TEX101: variants seen among roughly 807,000 people sequenced by gnomAD.
TEX101 encodes the protein testis-expressed protein 101.
In TEX101, 10 loss-of-function variants were observed where a neutral mutation model predicts 18.1. The ratio of observed to expected loss-of-function variants is 0.55; its 90% CI spans 0.34 to 0.94. TEX101 has a LOEUF of 0.94. TEX101 is among the 40% of genes least tolerant of loss of function. TEX101 has a pLI of 0.02. For missense variants in TEX101, 259 were observed against 298.9 expected, an observed-to-expected ratio of 0.87 and a Z score of 0.98; for synonymous variants, 94 against 114.8, an observed-to-expected ratio of 0.82 and a Z score of 1.16.
the TEX101 span, among the ~76,000 whole-genome samples, chr19:43,392,600 T>G: frequency 1.3e-5 from 2 of 151,512 alleles, no homozygotes; most frequent in African/African-American, 4.9e-5. Flanking sequence ...GACACCACGA[T>G]AGTCAAGCTG....
intron 2 of TEX101, among the ~76,000 whole-genome samples, chr19:43,403,787 C>G (rs1301854990): frequency 6.6e-6 from 1 of 151,762 alleles, no homozygotes; most frequent in Non-Finnish European, 1.5e-5. Flanking sequence ...AAAATCTGGC[C>G]CACAAAGACC....
chr19:43,391,842 T>C, the TEX101 span, among the ~76,000 whole-genome samples: 4 of 152,184 alleles, frequency 2.6e-5, no homozygotes, highest in African/African-American at 9.7e-5. Flanking sequence ...AGTACACTGG[T>C]TAGTCAGCAG....
intron 2 of TEX101, 27 bp from the exon 3 acceptor site, chr19:43,416,072 C>T (rs55891962): frequency 1.2e-6 from 2 of 1,607,316 alleles, no homozygotes; most frequent in African/African-American, 2.7e-5. Context: ...TGGAGAAGTG[C>T]TTATCCTTTT....
At chr19:43,416,608 G>A in intron 4 of TEX101, 53 bp downstream of exon 4, 1 of 1,544,668 alleles carries the variant, frequency 6.5e-7, no homozygotes, top group Non-Finnish European at 8.8e-7. Context: ...TAAAGAGCTT[G>A]TGTATGGCCT....
At chr19:43,417,300 AAAAAAC>A (rs1015533304) in intron 4 of TEX101, among the ~76,000 whole-genome samples, 11 of 151,790 alleles carry the variant, frequency 7.2e-5, no homozygotes, top group African/African-American at 2.4e-4. Context: ...TTCTGGCCAT[AAAAAAC>A]AAAAACAAAA....
upstream of TEX101, among the ~76,000 whole-genome samples, chr19:43,397,206 G>A (rs1465153821): frequency 5.9e-5 from 9 of 152,214 alleles, no homozygotes; most frequent in Admixed American, 3.9e-4. Context: ...GAGTGAAGAC[G>A]CTAGCCAGGT....
upstream of TEX101, among the ~76,000 whole-genome samples, chr19:43,414,362 C>T (rs1386530002): frequency 1.3e-5 from 2 of 152,136 alleles, no homozygotes; most frequent in Non-Finnish European, 1.5e-5. Context: ...TTCAACCCTC[C>T]AGGAGACCAT....
chr19:43,412,701 C>T (rs1194485271), upstream of TEX101, among the ~76,000 whole-genome samples: 1 of 152,150 alleles, frequency 6.6e-6, no homozygotes, highest in Non-Finnish European at 1.5e-5. Flanking sequence ...GACATGTGAT[C>T]ATTCAAAGAT....
chr19:43,391,710 C>G, the TEX101 span, among the ~76,000 whole-genome samples: 3,998 of 152,284 alleles, frequency 0.026, 63 homozygotes, highest in Middle Eastern at 0.1. Flanking sequence ...TGATGTGGAT[C>G]ATGGCTCATG....
At chr19:43,390,219 T>C in the TEX101 span, among the ~76,000 whole-genome samples, 52 of 152,244 alleles carry the variant, frequency 3.4e-4, no homozygotes, top group African/African-American at 1.2e-3. Context: ...CATCCGTGTG[T>C]ATCTGTGTAT....
upstream of TEX101, among the ~76,000 whole-genome samples, chr19:43,396,607 T>C (rs1477843936): frequency 2.6e-5 from 4 of 152,102 alleles, no homozygotes; most frequent in African/African-American, 9.7e-5. Context: ...TTTAGGTGCA[T>C]CCTGAAGGAG....
At position 43,416,033 on chromosome 19, in the gene TEX101, G is replaced by A. The variant is rs766461687; in HGVS notation, c.64+50G>A. On this transcript the variant is annotated intron_variant, in intron 2 of 5. Coordinates refer to ENST00000598265, the MANE Select transcript of TEX101 (RefSeq NM_001130011.3). ...AGCCGTGTGTCACAGAAGGTGGACTGATGATGAAAAGGGAGCCGCCTTGGC... is the reference window on the plus strand; with the variant it reads ...AGCCGTGTGTCACAGAAGGTGGACTAATGATGAAAAGGGAGCCGCCTTGGC... The A allele has an allele frequency of 4.3e-6, 7 of 1,611,382 alleles. No homozygotes were observed. The East Asian group carries it at 1.1e-4, about 26-fold the overall frequency.
chr19:43,416,053 C>G, intron 2 of TEX101, 46 bp from the exon 3 acceptor site: 1 of 1,610,332 alleles, frequency 6.2e-7, no homozygotes, highest in South Asian at 1.1e-5. Context: ...AGGGAGCCGC[C>G]TTGGCCCATG....
chr19:43,409,801 T>A (rs1970403118), intron 3 of TEX101, among the ~76,000 whole-genome samples: 2 of 152,022 alleles, frequency 1.3e-5, no homozygotes, highest in Non-Finnish European at 2.9e-5. Context: ...GAAACAAATG[T>A]GAGTGTAAGC....
intron 3 of TEX101, among the ~76,000 whole-genome samples, chr19:43,407,234 A>G (rs1420683576): frequency 1.3e-5 from 2 of 152,160 alleles, no homozygotes; most frequent in East Asian, 3.9e-4. Context: ...CTATAATCCC[A>G]GCACTTTGGT....
At chr19:43,412,078 G>T (rs1050552258), upstream of TEX101, among the ~76,000 whole-genome samples, 1 of 152,172 alleles carries the variant, frequency 6.6e-6, no homozygotes, top group African/African-American at 2.4e-5. Flanking sequence ...TTCTCAAGGG[G>T]CTGTGTATTG....
chr19:43,392,205 C>T, the TEX101 span, among the ~76,000 whole-genome samples: 479 of 151,834 alleles, frequency 3.2e-3, 3 homozygotes, highest in African/African-American at 0.011. Flanking sequence ...GACATTAACA[C>T]AGAGAGAAGG....
chr19:43,393,801 C>G, the TEX101 span, among the ~76,000 whole-genome samples: 7 of 149,790 alleles, frequency 4.7e-5, no homozygotes, highest in African/African-American at 1.7e-4. Context: ...AGGTGCGGAG[C>G]AGGGGTTCAA....
At chr19:43,417,777 G>T in intron 4 of TEX101, 101 bp from the exon 5 acceptor site, 1 of 1,478,310 alleles carries the variant, frequency 6.8e-7, no homozygotes, top group South Asian at 1.2e-5. Flanking sequence ...GCCTTGATTA[G>T]AGTGGCATCT....
Sources: gnomAD v4.1 joint callset for allele counts (sites outside exome capture counted in the v4.1 genomes callset) on GRCh38, gnomAD v4.1.1 for gene constraint, MANE v1.5 for transcripts, NCBI Gene and HGNC (gene_info 2026-07-23, HGNC 2026-07-21) for gene names.